The following PRKCH variants were observed in gnomAD, a reference collection of about 807,000 sequenced individuals.
The protein encoded by PRKCH is protein kinase C eta type.
A neutral mutation model predicts 82.5 loss-of-function variants in PRKCH; 28 were observed. The ratio of observed to expected loss-of-function variants is 0.34; its 90% CI spans 0.25 to 0.47. The LOEUF (loss-of-function observed/expected upper bound fraction) is 0.47, where lower values mean the gene tolerates loss of function less well. Among genes scored for constraint, PRKCH ranks in the 20% least tolerant of loss-of-function variants. PRKCH has a pLI of 1.00. For synonymous variants in PRKCH, 322 were observed against 327.4 expected, an observed-to-expected ratio of 0.98 and a Z score of 0.18; for missense variants, 705 against 881.8, an observed-to-expected ratio of 0.80 and a Z score of 2.54.
intron 1 of PRKCH, among the ~76,000 whole-genome samples, chr14:61,252,389 C>T (rs1342565247): frequency 1.3e-5 from 2 of 152,194 alleles, no homozygotes; most frequent in Non-Finnish European, 2.9e-5. Flanking sequence ...GTCTCAACAA[C>T]CCATGTGAAT....
chr14:61,502,830 C>T (rs895720579), intron 10 of PRKCH, among the ~76,000 whole-genome samples: 7 of 151,976 alleles, frequency 4.6e-5, no homozygotes, highest in Non-Finnish European at 8.8e-5. Flanking sequence ...CCAAGTTCAC[C>T]GAGTGAGGAT....
chr14:61,425,696 A>G (rs1377567165), intron 2 of PRKCH, among the ~76,000 whole-genome samples: 1 of 152,204 alleles, frequency 6.6e-6, no homozygotes, highest in African/African-American at 2.4e-5. Flanking sequence ...TTGGGAAGCC[A>G]TGATTGGTTT....
At chr14:61,418,851 C>T (rs1316036536) in intron 2 of PRKCH, among the ~76,000 whole-genome samples, 3 of 152,166 alleles carry the variant, frequency 2.0e-5, no homozygotes, top group Non-Finnish European at 2.9e-5. Context: ...ATGAAGAGGC[C>T]ATTGTTCACT....
At chr14:61,284,135 T>C (rs1257455397) in intron 1 of PRKCH, among the ~76,000 whole-genome samples, 1 of 152,200 alleles carries the variant, frequency 6.6e-6, no homozygotes, top group Non-Finnish European at 1.5e-5. Flanking sequence ...TGCAGAGTTA[T>C]CTCACCTCTG....
intron 1 of PRKCH, among the ~76,000 whole-genome samples, chr14:61,202,638 T>G (rs996285848): frequency 1.3e-5 from 2 of 152,152 alleles, no homozygotes; most frequent in Non-Finnish European, 2.9e-5. Context: ...TGCTTTTGTA[T>G]GTTTTACCCA....
chr14:61,322,073 C>CTT lies in PRKCH; in HGVS notation c.-29_-28insTT. ...GTTCTCCCGCTGCGAAGCAGCGCGG[C>CTT]CCCCCGGGGCCGGGGCAGCGGCGCC... On this transcript the variant is annotated 5_prime_UTR_variant, in exon 1 of 14. Coordinates refer to ENST00000332981, the MANE Select transcript of PRKCH (RefSeq NM_006255.5). 1.3e-6 allele frequency: 2 copies of CTT among 1,509,448 alleles called. No individual in the cohort carries two copies. The highest frequency in any genetic ancestry group is 1.8e-6 in the Non-Finnish European group (2 of 1,123,312). 93.5% of individuals were successfully genotyped at this position (1,509,448 alleles called of 1,614,324 possible).
chr14:61,340,638 C>A (rs772237302), intron 1 of PRKCH, among the ~76,000 whole-genome samples: 1 of 152,160 alleles, frequency 6.6e-6, no homozygotes, highest in Non-Finnish European at 1.5e-5. Context: ...GTGGCACCTG[C>A]ATTTCTCACC....
At chr14:61,488,051 G>A (rs1276667061) in intron 10 of PRKCH, among the ~76,000 whole-genome samples, 1 of 152,114 alleles carries the variant, frequency 6.6e-6, no homozygotes, top group Non-Finnish European at 1.5e-5. Flanking sequence ...TACTCGGGAG[G>A]CTGAGGCAGA....
At position 61,445,961 on chromosome 14, in the gene PRKCH, T is replaced by A. The variant is rs184007796; in HGVS notation, c.613+235T>A. On this transcript the variant is annotated intron_variant, in intron 4 of 13. Transcript: ENST00000332981. ...GCCAGGATACCTAATAAATTTTCAT[T>A]GTTTAAAGTCTTGTCTCTGCAGTAA... is the stretch of plus-strand genomic sequence containing the variant. Among the ~76,000 whole-genome samples, 231 of 152,316 alleles carry A rather than the reference T, an allele frequency of 1.5e-3. 4 individuals carry two copies. Among genetic ancestry groups the A allele is most frequent in the Non-Finnish European group, 3.8e-4 (26 of 68,030 alleles).
intron 1 of PRKCH, among the ~76,000 whole-genome samples, chr14:61,378,946 T>G (rs1232906678): frequency 2.0e-5 from 3 of 152,218 alleles, no homozygotes; most frequent in African/African-American, 7.2e-5. Context: ...TTCTCTCCTC[T>G]TATAATCCCA....
At chr14:61,256,837 C>G (rs2045002093) in intron 1 of PRKCH, among the ~76,000 whole-genome samples, 1 of 152,206 alleles carries the variant, frequency 6.6e-6, no homozygotes, top group Non-Finnish European at 1.5e-5. Context: ...CTGCTTGCCT[C>G]TGTCAATGGC....
chr14:61,391,014 G>A (rs2046670752), intron 1 of PRKCH, among the ~76,000 whole-genome samples: 9 of 152,144 alleles, frequency 5.9e-5, no homozygotes, highest in Admixed American at 5.9e-4. Context: ...TCAAGAGGAA[G>A]GAAACTGATA....
At chr14:61,339,385 G>A (rs573473987) in intron 1 of PRKCH, among the ~76,000 whole-genome samples, 12 of 149,966 alleles carry the variant, frequency 8.0e-5, no homozygotes, top group East Asian at 4.0e-4. Flanking sequence ...GCGCAGTGGC[G>A]CAATCTCAGC....
At chr14:61,510,735 A>G (rs1887343242) in intron 10 of PRKCH, among the ~76,000 whole-genome samples, 1 of 152,080 alleles carries the variant, frequency 6.6e-6, no homozygotes, top group Non-Finnish European at 1.5e-5. Flanking sequence ...GTAAAGTGTC[A>G]AGCAGGGCAA....
At chr14:61,542,817 C>T (rs1206377254) in intron 12 of PRKCH, among the ~76,000 whole-genome samples, 1 of 152,220 alleles carries the variant, frequency 6.6e-6, no homozygotes, top group Non-Finnish European at 1.5e-5. Context: ...TATGCTGCCA[C>T]TGTTCACAGC....
At chr14:61,549,635 A>G in intron 13 of PRKCH, 50 bp from the exon 14 acceptor site, 2 of 1,596,836 alleles carry the variant, frequency 1.3e-6, no homozygotes, top group Non-Finnish European at 1.7e-6. Context: ...CAAGATGAGT[A>G]AGCCTCAAGC....
intron 1 of PRKCH, among the ~76,000 whole-genome samples, chr14:61,273,562 T>C (rs1045663842): frequency 1.3e-5 from 2 of 152,240 alleles, no homozygotes; most frequent in African/African-American, 4.8e-5. Context: ...TGATTACTTT[T>C]GAGCATAAAG....
intron 12 of PRKCH, among the ~76,000 whole-genome samples, chr14:61,546,028 T>G (rs1024367917): frequency 6.6e-6 from 1 of 152,210 alleles, no homozygotes; most frequent in African/African-American, 2.4e-5. Context: ...TCTCCCAAGT[T>G]TTTTGCAGCA....
intron 10 of PRKCH, among the ~76,000 whole-genome samples, chr14:61,519,267 A>G (rs543891944): frequency 8.9e-4 from 130 of 145,384 alleles, no homozygotes; most frequent in Non-Finnish European, 1.7e-3. Flanking sequence ...GGGCTACAGA[A>G]TGAGATTATG....
Sources: gnomAD v4.1 joint callset for allele counts (sites outside exome capture counted in the v4.1 genomes callset) on GRCh38, gnomAD v4.1.1 for gene constraint, MANE v1.5 for transcripts, NCBI Gene and HGNC (gene_info 2026-07-23, HGNC 2026-07-21) for gene names.